Variants in AP1G1 observed in about 807,000 individuals in gnomAD.
AP1G1 encodes the protein adaptor related protein complex 1 subunit gamma 1, also known as AP-1 complex subunit gamma-1.
In AP1G1, 7 loss-of-function variants were observed where a neutral mutation model predicts 108.3. The ratio of observed to expected loss-of-function variants is 0.06; its 90% CI spans 0.04 to 0.12. The LOEUF (loss-of-function observed/expected upper bound fraction) is 0.12, where lower values mean the gene tolerates loss of function less well. Ranked by LOEUF, AP1G1 falls within the 10% of genes least tolerant of loss-of-function variation. AP1G1 has a pLI of 1.00. For synonymous variants in AP1G1, 379 were observed against 353.5 expected, an observed-to-expected ratio of 1.07 and a Z score of -0.81; for missense variants, 756 against 1,010.7, an observed-to-expected ratio of 0.75 and a Z score of 3.42.
chr16:71,752,106 A>C (rs1472302393), intron 13 of AP1G1, among the ~76,000 whole-genome samples: 2 of 152,206 alleles, frequency 1.3e-5, no homozygotes, highest in African/African-American at 4.8e-5. Context: ...AATGTAACCC[A>C]GCATGTAACA....
chr16:71,750,398 T>C, intron 13 of AP1G1, 66 bp from the exon 14 acceptor site: 1 of 1,571,664 alleles, frequency 6.4e-7, no homozygotes, highest in Non-Finnish European at 8.7e-7. Context: ...GTGTTAGCTA[T>C]TATTATTACT....
At chr16:71,803,741 A>T (rs1436481495) in intron 1 of AP1G1, among the ~76,000 whole-genome samples, 1 of 152,124 alleles carries the variant, frequency 6.6e-6, no homozygotes, top group African/African-American at 2.4e-5. Flanking sequence ...CCTGGTCAAC[A>T]GGGTGAAGCC....
intron 16 of AP1G1, chr16:71,746,893 A>G (rs1045747149): frequency 1.5e-5 from 6 of 413,374 alleles, no homozygotes; most frequent in Non-Finnish European, 1.8e-5. Flanking sequence ...TCATTGTAAC[A>G]CTAGATTTTT....
intron 4 of AP1G1, among the ~76,000 whole-genome samples, chr16:71,771,829 G>A (rs1342493978): frequency 6.6e-6 from 1 of 152,146 alleles, no homozygotes; most frequent in African/African-American, 2.4e-5. Context: ...GATATATACT[G>A]TAAATGCTAT....
intron 9 of AP1G1, among the ~76,000 whole-genome samples, chr16:71,763,327 G>C (rs2031181616): frequency 1.3e-5 from 2 of 152,298 alleles, no homozygotes; most frequent in African/African-American, 4.8e-5. Flanking sequence ...TTCACAGACG[G>C]AAAGTAGAAT....
chr16:71,755,055 A>C (rs2030708668), intron 12 of AP1G1, among the ~76,000 whole-genome samples: 1 of 152,216 alleles, frequency 6.6e-6, no homozygotes, highest in Non-Finnish European at 1.5e-5. Flanking sequence ...TGTACTACTA[A>C]AATCATAAGG....
chr16:71,808,589 G>T (rs1368192854), intron 1 of AP1G1, 174 bp downstream of exon 1: 2 of 1,289,330 alleles, frequency 1.6e-6, no homozygotes, highest in Non-Finnish European at 2.0e-6. Flanking sequence ...CCAGAAGTCG[G>T]AGCAGCCCCT....
In AP1G1 at chr16:71,750,303, G is replaced by T; in HGVS notation, c.1314C>A (p.Val438=). Residue 438 remains valine (V), a synonymous_variant, in exon 14 of 23, where the codon GTC becomes GTA. Transcript: ENST00000299980. ...TAGTTATTAACTGGATTAAATTGGG[G>T]ACTGCATCATCACGAACATAACTTC... ...TAGSYVRDDA[V]PNLIQLITNS... The T allele has an allele frequency of 6.2e-7, 1 of 1,614,042 alleles. No individual in the cohort carries two copies. The highest frequency in any genetic ancestry group is 8.5e-7 in the Non-Finnish European group (1 of 1,179,966).
At chr16:71,735,983 T>C (rs1218437236) in intron 21 of AP1G1, among the ~76,000 whole-genome samples, 2 of 149,650 alleles carry the variant, frequency 1.3e-5, no homozygotes, top group East Asian at 4.0e-4. Flanking sequence ...ATACAAAAAT[T>C]AGCTGGGTAT....
intron 21 of AP1G1, among the ~76,000 whole-genome samples, chr16:71,736,661 C>T (rs1284825417): frequency 6.6e-6 from 1 of 150,922 alleles, no homozygotes; most frequent in Non-Finnish European, 1.5e-5. Context: ...TCTCGGCTCA[C>T]TGCAAGCTCC....
In AP1G1 at chr16:71,789,353, T is replaced by C. The variant is rs780681943; in HGVS notation, c.127A>G (p.Asn43Asp). ...AIRSSFREEDNTYRCRNVAKL... is the reference protein window; with the variant it reads ...AIRSSFREEDDTYRCRNVAKL... ...GCCACATTCCGACATCGGTATGTATTGTCTTCTTCTCTAAAAGATGACCGG... is the reference window on the plus strand; with the variant it reads ...GCCACATTCCGACATCGGTATGTATCGTCTTCTTCTCTAAAAGATGACCGG... Residue 43 changes from asparagine (N) to aspartate (D), a missense_variant, in exon 2 of 23, where the codon AAT (asparagine) becomes GAT (aspartate). Asn to Asp is a conservative substitution (Grantham distance 23, BLOSUM62 1). Around this residue, in one of 3 missense-constraint regions of AP1G1, gnomAD observed 304 missense variants for 483.6 expected, o/e 0.63. Transcript: ENST00000299980. 1.9e-6 allele frequency: 3 copies of C among 1,614,250 alleles called. No homozygotes were observed. Among genetic ancestry groups the C allele is most frequent in the Non-Finnish European group, 2.5e-6 (3 of 1,180,040 alleles).
chr16:71,808,675 A>G (rs781748376), intron 1 of AP1G1, 88 bp downstream of exon 1: 17 of 1,288,134 alleles, frequency 1.3e-5, no homozygotes, highest in Middle Eastern at 2.1e-4. Context: ...TGGACCCCTG[A>G]AACTGAAAGG....
chr16:71,798,304 T>C lies in AP1G1; in HGVS notation c.-3-8822A>G, dbSNP rs187853704. On this transcript the variant is annotated intron_variant, in intron 1 of 22. Transcript: ENST00000299980. ...TACACTGCCTCCCAGATTCAAGCAATTCTCCTGCCTTACCCTACCGAGTAG... is the reference window on the plus strand; with the variant it reads ...TACACTGCCTCCCAGATTCAAGCAACTCTCCTGCCTTACCCTACCGAGTAG... 8.8e-4 allele frequency among the ~76,000 whole-genome samples: 134 copies of C among 152,154 alleles called. 1 individual carries two copies. Among genetic ancestry groups the C allele is most frequent in the African/African-American group, 1.8e-3 (76 of 41,538 alleles).
At chr16:71,741,354 G>A (rs2045618672) in intron 19 of AP1G1, among the ~76,000 whole-genome samples, 1 of 152,114 alleles carries the variant, frequency 6.6e-6, no homozygotes. Flanking sequence ...AGGTCGAGGC[G>A]GGTGGATCAC....
intron 12 of AP1G1, among the ~76,000 whole-genome samples, chr16:71,754,344 G>A (rs934546254): frequency 4.4e-5 from 4 of 90,590 alleles, no homozygotes; most frequent in African/African-American, 1.3e-4. Context: ...GAAAGAAAAA[G>A]AAAGAAAGAA....
intron 19 of AP1G1, chr16:71,742,155 T>A (rs1463613298): frequency 6.6e-6 from 1 of 152,012 alleles, no homozygotes; most frequent in African/African-American, 2.4e-5. Context: ...CTTTAACATA[T>A]AACACTAGGA....
chr16:71,765,131 A>C (rs2031259869), intron 7 of AP1G1, among the ~76,000 whole-genome samples: 1 of 152,230 alleles, frequency 6.6e-6, no homozygotes, highest in Admixed American at 6.5e-5. Context: ...ACTTGAGTCC[A>C]GGAGTTTGAG....
chr16:71,786,941 G>A (rs1016123230), intron 2 of AP1G1, among the ~76,000 whole-genome samples: 11 of 150,918 alleles, frequency 7.3e-5, no homozygotes, highest in African/African-American at 2.7e-4. Context: ...CCAGAAGGTC[G>A]AGGCTGCAGT....
chr16:71,801,918 T>C lies in AP1G1; in HGVS notation c.-4+6845A>G, dbSNP rs1445270400. ...GCCTGGGCGACAGGGCGAGACTCCG[T>C]AACCAAAAAAAAAAAAAAAAAAGAA... On this transcript the variant is annotated intron_variant, in intron 1 of 22. Transcript: ENST00000299980. 2.8e-5 allele frequency among the ~76,000 whole-genome samples: 3 copies of C among 106,570 alleles called. No individual in the cohort carries two copies. The South Asian group carries it at 8.0e-4, about 29-fold the overall frequency. 69.9% of individuals were successfully genotyped at this position (106,570 alleles called of 152,430 possible).
Sources: gnomAD v4.1 joint callset for allele counts (sites outside exome capture counted in the v4.1 genomes callset) on GRCh38, gnomAD v4.1.1 for gene constraint, gnomAD v4.1.1 regional missense constraint, MANE v1.5 for transcripts, NCBI Gene and HGNC (gene_info 2026-07-23, HGNC 2026-07-21) for gene names.